The following TBC1D16 variants were observed in gnomAD, a reference collection of about 807,000 sequenced individuals.
TBC1D16 encodes TBC1 domain family member 16.
In TBC1D16, 58 loss-of-function variants were observed where a neutral mutation model predicts 74.7. That is an observed-to-expected ratio of 0.78 (90% CI 0.63 to 0.97). TBC1D16 has a LOEUF of 0.97. Among genes scored for constraint, TBC1D16 ranks in the 50% least tolerant of loss-of-function variants. The pLI, the probability that TBC1D16 is intolerant of heterozygous loss-of-function variation, is 0.00. For missense variants in TBC1D16, 1,014 were observed against 1,079.5 expected (o/e 0.94, Z 0.85); for synonymous variants, 493 against 474.7 (o/e 1.04, Z -0.50).
In TBC1D16 at chr17:79,988,559, A is replaced by G. The variant is rs1320851156; in HGVS notation, c.779+21601T>C. Among the ~76,000 whole-genome samples, 3 of 152,260 alleles carry G rather than the reference A, an allele frequency of 2.0e-5. No individual in the cohort carries two copies. Among genetic ancestry groups the G allele is most frequent in the Non-Finnish European group, 4.4e-5 (3 of 68,038 alleles). On this transcript the variant is annotated intron_variant, in intron 3 of 11. Coordinates refer to ENST00000310924, the MANE Select transcript of TBC1D16 (RefSeq NM_019020.4). This position sits in a 1 kb window ranked among gnomAD's most constrained non-coding sequence, Gnocchi z 5.7. Reference sequence around the variant, plus strand: ...TCGACCACCTCCCGCTCGGCAAGCCAGGGTCCTGGTGAACGCACGTGCCTG... The same window carrying G: ...TCGACCACCTCCCGCTCGGCAAGCCGGGGTCCTGGTGAACGCACGTGCCTG...
At chr17:80,004,885 C>T (rs1038375735) in intron 3 of TBC1D16, among the ~76,000 whole-genome samples, 1 of 152,168 alleles carries the variant, frequency 6.6e-6, no homozygotes, top group African/African-American at 2.4e-5. Context: ...GTGTTGACCA[C>T]GCTGGCCTCC....
rs576029833 is a variant in TBC1D16, at chr17:79,933,654, G to A, written c.*7205C>T. 4 of 152,396 alleles carry A rather than the reference G, an allele frequency of 2.6e-5. No homozygotes were observed. The East Asian group carries it at 5.8e-4, about 22-fold the overall frequency. The allele number at this position is 152,396 out of a possible 1,614,324, so 9.4% of individuals were successfully genotyped here. ...GTAAGAGTCACGCCTTGGAGAAGGA[G>A]GGCAGCCAAAGGCCACGCAGAAATT... On this transcript the variant is annotated 3_prime_UTR_variant, in exon 12 of 12. Coordinates refer to ENST00000310924, the MANE Select transcript of TBC1D16 (RefSeq NM_019020.4).
rs113554967 is a variant in TBC1D16, at chr17:79,968,241, G to T, written c.780-15423C>A. ...ACTCCTGAGCTCAAGTGATCTGCCT[G>T]CTTCAGCCTCCCAAAGGGATTATAG... On this transcript the variant is annotated intron_variant, in intron 3 of 11. Transcript: ENST00000310924. Among the ~76,000 whole-genome samples, 998 of 152,334 alleles carry T rather than the reference G, an allele frequency of 6.6e-3. 9 individuals carry two copies. Among genetic ancestry groups the T allele is most frequent in the African/African-American group, 0.021 (883 of 41,572 alleles).
At position 80,000,909 on chromosome 17, in the gene TBC1D16, C is replaced by T. The variant is rs1335180862; in HGVS notation, c.779+9251G>A. Among the ~76,000 whole-genome samples, 1 of 152,228 alleles carries T rather than the reference C, an allele frequency of 6.6e-6. No individual in the cohort carries two copies. The highest frequency in any genetic ancestry group is 2.4e-5 in the African/African-American group (1 of 41,462). On this transcript the variant is annotated intron_variant, in intron 3 of 11. Coordinates refer to ENST00000310924, the MANE Select transcript of TBC1D16 (RefSeq NM_019020.4). This position sits in a 1 kb window ranked among gnomAD's most constrained non-coding sequence, Gnocchi z 4.1. ...ACCAAGCCCGCCAGCCCCTTCTCTGCCTAGACATCATGTGTGAGCCAAACA... is the reference window on the plus strand; with the variant it reads ...ACCAAGCCCGCCAGCCCCTTCTCTGTCTAGACATCATGTGTGAGCCAAACA...
In TBC1D16 at chr17:79,975,144, TCACCCTCCAGCA is replaced by T. The variant is rs2034278185; in HGVS notation, c.780-22338_780-22327del. ...ACAATCCGCCAGGCCGCGTCACTCC[TCACCCTCCAGCA>T]GGGCTTTGGATTTTTGGACAGCGAG... On this transcript the variant is annotated intron_variant, in intron 3 of 11. Transcript: ENST00000310924. The surrounding 1 kb of genome is among the most constrained non-coding windows in gnomAD (Gnocchi z 4.5). Among the ~76,000 whole-genome samples the T allele has an allele frequency of 6.6e-6, 1 of 152,262 alleles. No individual in the cohort carries two copies. The highest frequency in any genetic ancestry group is 2.4e-5 in the African/African-American group (1 of 41,470).
Position 79,993,002 on chromosome 17 carries a change from C to G in TBC1D16, c.779+17158G>C, listed in dbSNP as rs927197959. ...AAGGGTGAGACGGTACAGTACCAGGCCAACACCAGTCCCAGCGGATGGCAC... is the reference window on the plus strand; with the variant it reads ...AAGGGTGAGACGGTACAGTACCAGGGCAACACCAGTCCCAGCGGATGGCAC... On this transcript the variant is annotated intron_variant, in intron 3 of 11. Transcript: ENST00000310924. The surrounding 1 kb of genome is among the most constrained non-coding windows in gnomAD (Gnocchi z 5.1). 6.6e-6 allele frequency among the ~76,000 whole-genome samples: 1 copy of G among 152,232 alleles called. No homozygotes were observed. Among genetic ancestry groups the G allele is most frequent in the Non-Finnish European group, 1.5e-5 (1 of 68,040 alleles).
chr17:80,013,788 C>T (rs1401451069), intron 1 of TBC1D16, among the ~76,000 whole-genome samples, 179 bp from the exon 2 acceptor site: 3 of 152,260 alleles, frequency 2.0e-5, no homozygotes, highest in Admixed American at 2.0e-4. Flanking sequence ...CCCTGTCCAT[C>T]GCAGGAGGCT....
rs1016783660 is a variant in TBC1D16, at chr17:79,988,890, AC to A, written c.779+21269del. 1.3e-5 allele frequency among the ~76,000 whole-genome samples: 2 copies of A among 151,938 alleles called. No individual in the cohort carries two copies. The highest frequency in any genetic ancestry group is 2.9e-5 in the Non-Finnish European group (2 of 68,006). ...GGGCTCTGCTGGGCTGGACGGTGCC[AC>A]CCTCCCCAACCCGCACCTGCCCGCC... On this transcript the variant is annotated intron_variant, in intron 3 of 11. Transcript: ENST00000310924. This position sits in a 1 kb window ranked among gnomAD's most constrained non-coding sequence, Gnocchi z 5.7.
chr17:79,998,057 G>A (rs1403517694), intron 3 of TBC1D16, among the ~76,000 whole-genome samples: 1 of 150,958 alleles, frequency 6.6e-6, no homozygotes, highest in Non-Finnish European at 1.5e-5. Flanking sequence ...CCCAGGAGGT[G>A]GAGGTTGCAG....
At chr17:79,966,401 A>G (rs1397353961) in intron 3 of TBC1D16, among the ~76,000 whole-genome samples, 1 of 152,082 alleles carries the variant, frequency 6.6e-6, no homozygotes, top group East Asian at 1.9e-4. Flanking sequence ...TGCCCCCACT[A>G]GATCACAGGC....
intron 1 of TBC1D16, among the ~76,000 whole-genome samples, chr17:80,027,193 A>G (rs1568652095): frequency 6.6e-6 from 1 of 152,232 alleles, no homozygotes; most frequent in Non-Finnish European, 1.5e-5. Flanking sequence ...TGGGCACGGT[A>G]GCTCATGTCT....
chr17:79,999,687 C>A (rs2035412747), intron 3 of TBC1D16, among the ~76,000 whole-genome samples: 1 of 151,712 alleles, frequency 6.6e-6, no homozygotes, highest in African/African-American at 2.4e-5. Flanking sequence ...GAATTACAGG[C>A]ATCCACCACC....
chr17:79,961,259 C>T lies in TBC1D16; in HGVS notation c.780-8441G>A, dbSNP rs995786210. 5.3e-5 allele frequency among the ~76,000 whole-genome samples: 8 copies of T among 152,194 alleles called. No homozygotes were observed. Among genetic ancestry groups the T allele is most frequent in the African/African-American group, 1.9e-4 (8 of 41,458 alleles). On this transcript the variant is annotated intron_variant, in intron 3 of 11. Coordinates refer to ENST00000310924, the MANE Select transcript of TBC1D16 (RefSeq NM_019020.4). The surrounding 1 kb of genome is among the most constrained non-coding windows in gnomAD (Gnocchi z 4.8). ...TACATGAGAAGATACTCAGCATCCT[C>T]TGTAGTCAGGAAAATGCAAATTAAA...
chr17:79,939,135 G>A lies in TBC1D16; in HGVS notation c.*1724C>T, dbSNP rs2031799693. On this transcript the variant is annotated 3_prime_UTR_variant, in exon 12 of 12. Transcript: ENST00000310924. ...GGCAGAAGCTCCAGCCACCTCCCTA[G>A]CCCAGAAAGGCAACCCTCTCTTCCC... The A allele has an allele frequency of 6.6e-6, 1 of 152,320 alleles. No individual in the cohort carries two copies. Among genetic ancestry groups the A allele is most frequent in the Admixed American group, 6.5e-5 (1 of 15,282 alleles). 9.4% of individuals were successfully genotyped at this position (152,320 alleles called of 1,614,324 possible).
rs1324916638 is a variant in TBC1D16 at position 79,979,028 on chromosome 17, A to T, written c.780-26210T>A. ...TTTTCTGAACCCAAAAAGAATGTTT[A>T]TTTTTTTTCCCCTAGATTTTATAGG... On this transcript the variant is annotated intron_variant, in intron 3 of 11. Coordinates refer to ENST00000310924, the MANE Select transcript of TBC1D16 (RefSeq NM_019020.4). This position sits in a 1 kb window ranked among gnomAD's most constrained non-coding sequence, Gnocchi z 4.8. Among the ~76,000 whole-genome samples the T allele has an allele frequency of 6.6e-6, 1 of 152,062 alleles. No individual in the cohort carries two copies. Among genetic ancestry groups the T allele is most frequent in the Non-Finnish European group, 1.5e-5 (1 of 68,002 alleles).
intron 3 of TBC1D16, among the ~76,000 whole-genome samples, chr17:79,970,858 ACCC>A (rs2034064624): frequency 3.2e-5 from 1 of 31,194 alleles, no homozygotes; most frequent in Non-Finnish European, 6.0e-5. Context: ...AAACAGCGCC[ACCC>A]TGGAAACGGA....
rs559709372 is a variant in TBC1D16, at chr17:79,933,058, T to A, written c.*7801A>T. 6 of 152,340 alleles carry A rather than the reference T, an allele frequency of 3.9e-5. No homozygotes were observed. The highest frequency in any genetic ancestry group is 1.2e-4 in the African/African-American group (5 of 41,564). The allele number at this position is 152,340 out of a possible 1,614,324, so 9.4% of individuals were successfully genotyped here. Reference sequence around the variant, plus strand: ...CAAAGATCTGGTTGTTCTCTTGAGATGCAGAGAGGAGGCCCACAGGTGGCG... The same window carrying A: ...CAAAGATCTGGTTGTTCTCTTGAGAAGCAGAGAGGAGGCCCACAGGTGGCG... On this transcript the variant is annotated 3_prime_UTR_variant, in exon 12 of 12. Transcript: ENST00000310924.
At chr17:79,955,017 C>T (rs188130651) in intron 3 of TBC1D16, among the ~76,000 whole-genome samples, 1 of 152,162 alleles carries the variant, frequency 6.6e-6, no homozygotes, top group Non-Finnish European at 1.5e-5. Context: ...AGGGCCGGAG[C>T]CGATTTCAAA....
At chr17:80,023,666 CA>C (rs1568646959) in intron 1 of TBC1D16, among the ~76,000 whole-genome samples, 8 of 144,464 alleles carry the variant, frequency 5.5e-5, no homozygotes, top group Non-Finnish European at 1.1e-4. Flanking sequence ...GGCCCCCCCC[CA>C]CCGGCTCAGG....
Sources: allele counts gnomAD v4.1 joint callset (sites outside exome capture counted in the v4.1 genomes callset), GRCh38; gene constraint gnomAD v4.1.1; non-coding constraint Gnocchi (gnomAD v3.1); transcripts MANE v1.5; gene names NCBI Gene and HGNC (gene_info 2026-07-23, HGNC 2026-07-21).